GRID2: variants seen among roughly 807,000 people sequenced by gnomAD.
The protein encoded by GRID2 is glutamate receptor ionotropic, delta-2.
A neutral mutation model predicts 114.8 loss-of-function variants in GRID2; 33 were observed. The ratio of observed to expected loss-of-function variants is 0.29; its 90% confidence interval spans 0.22 to 0.38. The LOEUF (loss-of-function observed/expected upper bound fraction) is 0.38, where lower values mean the gene tolerates loss of function less well. GRID2 is among the 10% of genes least tolerant of loss of function. The pLI is 1.00. For missense variants in GRID2, 1,184 were observed against 1,257.7 expected (o/e 0.94, Z 0.89); for synonymous variants, 505 against 449.9 (o/e 1.12, Z -1.55).
intron 14 of GRID2, among the ~76,000 whole-genome samples, chr4:93,632,355 A>C (rs1168002457): frequency 6.6e-6 from 1 of 152,202 alleles, no homozygotes; most frequent in African/African-American, 2.4e-5. Context: ...TTTAGGTCTA[A>C]CATTGAAGTC....
chr4:93,613,405 C>A (rs1741188132), intron 13 of GRID2, among the ~76,000 whole-genome samples: 1 of 124,908 alleles, frequency 8.0e-6, no homozygotes, highest in African/African-American at 3.0e-5. Context: ...TTAGAGTTTC[C>A]AGTTTTTCTG....
chr4:92,556,373 T>G (rs932438199), intron 1 of GRID2, among the ~76,000 whole-genome samples: 1 of 152,156 alleles, frequency 6.6e-6, no homozygotes, highest in African/African-American at 2.4e-5. Flanking sequence ...ACATTTGCCT[T>G]TCAAATTTTT....
chr4:92,816,302 T>A (rs1578229536), intron 2 of GRID2, among the ~76,000 whole-genome samples: 1 of 97,274 alleles, frequency 1.0e-5, no homozygotes. Flanking sequence ...GCAACAAGAG[T>A]AAATCTCTGT....
chr4:92,348,149 G>A (rs1283250220), intron 1 of GRID2, among the ~76,000 whole-genome samples: 1 of 151,900 alleles, frequency 6.6e-6, no homozygotes, highest in Non-Finnish European at 1.5e-5. Flanking sequence ...AATTTTTAGT[G>A]GAGATGAGGT....
chr4:93,299,086 A>C (rs755112777), intron 8 of GRID2, among the ~76,000 whole-genome samples: 1 of 152,202 alleles, frequency 6.6e-6, no homozygotes, highest in African/African-American at 2.4e-5. Context: ...AGTCACTGCT[A>C]TAAGGAATTG....
chr4:92,922,526 A>G (rs1209960542), intron 2 of GRID2, among the ~76,000 whole-genome samples: 1 of 152,152 alleles, frequency 6.6e-6, no homozygotes, highest in Non-Finnish European at 1.5e-5. Context: ...GGCTCATTTA[A>G]TGTAAAAATG....
intron 4 of GRID2, among the ~76,000 whole-genome samples, chr4:93,190,774 T>A (rs1032707694): frequency 1.3e-5 from 2 of 152,072 alleles, no homozygotes; most frequent in African/African-American, 4.8e-5. Flanking sequence ...GTGTTACTGT[T>A]TTAATCATAA....
intron 2 of GRID2, among the ~76,000 whole-genome samples, chr4:92,629,151 A>T (rs1730666969): frequency 6.6e-6 from 1 of 152,092 alleles, no homozygotes; most frequent in Admixed American, 6.6e-5. Flanking sequence ...CAGATTAAAC[A>T]GTAGAAATAA....
intron 13 of GRID2, among the ~76,000 whole-genome samples, chr4:93,572,929 C>A (rs1385671139): frequency 6.6e-6 from 1 of 152,070 alleles, no homozygotes; most frequent in Non-Finnish European, 1.5e-5. Context: ...AAGTGTGAGT[C>A]CTAAGGCAAA....
chr4:93,194,053 G>A (rs968241682), intron 4 of GRID2, among the ~76,000 whole-genome samples: 1 of 152,134 alleles, frequency 6.6e-6, no homozygotes, highest in Non-Finnish European at 1.5e-5. Context: ...GCTTTGACAA[G>A]TCATTTATTT....
chr4:93,571,212 G>A (rs1203092717), intron 13 of GRID2, among the ~76,000 whole-genome samples: 1 of 151,906 alleles, frequency 6.6e-6, no homozygotes, highest in East Asian at 1.9e-4. Context: ...CAGGGGTGAA[G>A]GTCCTAAAAA....
chr4:92,682,817 C>T (rs912687341), intron 2 of GRID2, among the ~76,000 whole-genome samples: 5 of 151,978 alleles, frequency 3.3e-5, no homozygotes, highest in Non-Finnish European at 7.4e-5. Flanking sequence ...ATCCTTATGT[C>T]ACTAAAATTT....
At chr4:92,889,921 T>A (rs775716425) in intron 2 of GRID2, among the ~76,000 whole-genome samples, 1 of 152,032 alleles carries the variant, frequency 6.6e-6, no homozygotes, top group Non-Finnish European at 1.5e-5. Context: ...AACAGACATA[T>A]AGACCAATGG....
intron 8 of GRID2, among the ~76,000 whole-genome samples, chr4:93,305,809 C>T (rs1374498583): frequency 3.3e-5 from 5 of 152,070 alleles, no homozygotes; most frequent in African/African-American, 1.2e-4. Context: ...ATTATTTTAA[C>T]AATTTTCCCA....
At chr4:92,762,631 G>A (rs746205429) in intron 2 of GRID2, among the ~76,000 whole-genome samples, 11 of 152,080 alleles carry the variant, frequency 7.2e-5, no homozygotes, top group Admixed American at 5.2e-4. Context: ...CCACTTGTTC[G>A]ATTTTCCCTC....
chr4:92,917,059 C>A (rs1345608217), intron 2 of GRID2, among the ~76,000 whole-genome samples: 2 of 152,302 alleles, frequency 1.3e-5, no homozygotes, highest in East Asian at 3.9e-4. Flanking sequence ...ACCATTCTAA[C>A]TGGTGTGAGA....
At chr4:93,632,810 T>G (rs1721049605) in intron 14 of GRID2, among the ~76,000 whole-genome samples, 1 of 152,160 alleles carries the variant, frequency 6.6e-6, no homozygotes, top group Non-Finnish European at 1.5e-5. Context: ...CCTTGGGCAG[T>G]ATGGCCATTT....
intron 13 of GRID2, among the ~76,000 whole-genome samples, chr4:93,590,827 G>A (rs1421301160): frequency 1.3e-5 from 2 of 149,550 alleles, no homozygotes; most frequent in Non-Finnish European, 3.0e-5. Context: ...ATTGTGAATG[G>A]GAGTTCACTC....
At chr4:93,126,589 T>C (rs1486236816) in intron 4 of GRID2, among the ~76,000 whole-genome samples, 2 of 98,876 alleles carry the variant, frequency 2.0e-5, no homozygotes, top group African/African-American at 8.2e-5. Flanking sequence ...TAATTCTTTT[T>C]TTTTTTTTTT....
Sources: gnomAD v4.1 joint callset for allele counts (sites outside exome capture counted in the v4.1 genomes callset) on GRCh38, gnomAD v4.1.1 for gene constraint, MANE v1.5 for transcripts, NCBI Gene and HGNC (gene_info 2026-07-23, HGNC 2026-07-21) for gene names.